PCBP3: variants seen among roughly 807,000 people sequenced by gnomAD.
PCBP3 encodes poly(rC) binding protein 3.
A neutral mutation model predicts 52.7 loss-of-function variants in PCBP3; 25 were observed. That is an observed-to-expected ratio of 0.47 (90% CI 0.35 to 0.66). PCBP3 has a LOEUF of 0.66. PCBP3 is among the 30% of genes least tolerant of loss of function. The probability of loss-of-function intolerance (pLI) is 0.01; values close to 1 mark genes in which losing one functional copy is unlikely to be tolerated. For synonymous variants in PCBP3, 162 were observed against 183.0 expected (o/e 0.89, Z 0.93); for missense variants, 391 against 490.3 (o/e 0.80, Z 1.91).
Position 45,704,180 on chromosome 21 carries a change from G to C in PCBP3, c.-199-31212G>C, listed in dbSNP as rs879868137. Among the ~76,000 whole-genome samples, 1 of 152,182 alleles carries C rather than the reference G, an allele frequency of 6.6e-6. No individual in the cohort carries two copies. Among genetic ancestry groups the C allele is most frequent in the Non-Finnish European group, 1.5e-5 (1 of 68,046 alleles). The stretch of plus-strand genomic sequence containing the variant: ...AGGGGCACTGCCCAGCCGCTGAGTG[G>C]GTGGTGGTGAAGGTCATATCAGATG... On this transcript the variant is annotated intron_variant, in intron 2 of 17. Transcript: ENST00000681687. This position sits in a 1 kb window ranked among gnomAD's most constrained non-coding sequence, Gnocchi z 4.1.
chr21:45,901,778 G>T (rs867610346), intron 9 of PCBP3, among the ~76,000 whole-genome samples: 1 of 146,734 alleles, frequency 6.8e-6, no homozygotes, highest in African/African-American at 2.6e-5. Flanking sequence ...GAGAGCGAGG[G>T]GGAGAGAGCA....
intron 5 of PCBP3, among the ~76,000 whole-genome samples, chr21:45,851,148 A>G (rs1181497825): frequency 2.0e-5 from 3 of 152,228 alleles, no homozygotes; most frequent in Non-Finnish European, 4.4e-5. Flanking sequence ...AATAGAGAGC[A>G]CAGAAAAACA....
chr21:45,799,510 G>C (rs927219168), intron 4 of PCBP3, among the ~76,000 whole-genome samples: 2 of 152,154 alleles, frequency 1.3e-5, no homozygotes, highest in African/African-American at 4.8e-5. Flanking sequence ...ACAGGGTTTG[G>C]TATAGTCCAT....
intron 5 of PCBP3, among the ~76,000 whole-genome samples, chr21:45,854,238 T>G (rs531896920): frequency 1.1e-4 from 16 of 152,308 alleles, no homozygotes; most frequent in African/African-American, 3.6e-4. Context: ...CTACCACACA[T>G]GCTTTTTTAA....
chr21:45,672,899 C>T (rs1396408610), intron 2 of PCBP3, among the ~76,000 whole-genome samples: 2 of 152,158 alleles, frequency 1.3e-5, no homozygotes, highest in East Asian at 3.9e-4. Flanking sequence ...TTTGCCTAAG[C>T]CCGTGTCTTT....
intron 1 of PCBP3, among the ~76,000 whole-genome samples, chr21:45,663,270 C>T (rs1465990364): frequency 2.0e-5 from 3 of 152,156 alleles, no homozygotes; most frequent in African/African-American, 4.8e-5. Flanking sequence ...ATGGCTCACA[C>T]TCCTTACCCT....
intron 4 of PCBP3, among the ~76,000 whole-genome samples, chr21:45,845,579 C>T (rs1383272424): frequency 1.1e-4 from 14 of 131,980 alleles, no homozygotes; most frequent in African/African-American, 5.9e-5. Flanking sequence ...CGTGTGCACA[C>T]GTGTGAGTGT....
intron 9 of PCBP3, among the ~76,000 whole-genome samples, chr21:45,905,643 C>G (rs1186565861): frequency 6.6e-6 from 1 of 152,242 alleles, no homozygotes; most frequent in Non-Finnish European, 1.5e-5. Context: ...TCTGAGGCCT[C>G]TCTCTTTGGC....
intron 4 of PCBP3, among the ~76,000 whole-genome samples, chr21:45,767,622 G>A (rs1287639016): frequency 2.0e-5 from 3 of 152,218 alleles, no homozygotes; most frequent in African/African-American, 7.2e-5. Flanking sequence ...CAGCCGCACT[G>A]CACTGTTTTG....
chr21:45,801,572 C>T (rs1442949312), intron 4 of PCBP3, among the ~76,000 whole-genome samples: 3 of 152,212 alleles, frequency 2.0e-5, no homozygotes, highest in Admixed American at 1.3e-4. Context: ...GTCACTGACC[C>T]ATCTTCACAG....
At chr21:45,676,441 T>C (rs1204996099) in intron 2 of PCBP3, among the ~76,000 whole-genome samples, 1 of 152,192 alleles carries the variant, frequency 6.6e-6, no homozygotes, top group African/African-American at 2.4e-5. Flanking sequence ...ATTTTTCCAA[T>C]AGCATTGCTT....
rs867637642 is a variant in PCBP3 at position 45,917,417 on chromosome 21, C to A, written c.676-171C>A. ...GGAAGTGGGTGCGGCTCCCCTGGGG[C>A]TCCTGGTGCCCTGGGAGGGTTGGCC... On this transcript the variant is annotated intron_variant, in intron 12 of 17. Coordinates refer to ENST00000681687, the MANE Select transcript of PCBP3 (RefSeq NM_001384156.1). This position sits in a 1 kb window ranked among gnomAD's most constrained non-coding sequence, Gnocchi z 5.3. The A allele has an allele frequency of 5.9e-6, 3 of 506,396 alleles. No homozygotes were observed. The East Asian group carries it at 1.0e-4, about 18-fold the overall frequency. The allele number at this position is 506,396 out of a possible 1,614,324, so 31.4% of individuals were successfully genotyped here.
At position 45,754,235 on chromosome 21, in the gene PCBP3, A is replaced by G. The variant is rs117608517; in HGVS notation, c.-161-1182A>G. 3.3e-3 allele frequency among the ~76,000 whole-genome samples: 509 copies of G among 152,296 alleles called. 1 individual carries two copies. The highest frequency in any genetic ancestry group is 5.5e-3 in the Non-Finnish European group (375 of 68,010). On this transcript the variant is annotated intron_variant, in intron 3 of 17. Coordinates refer to ENST00000681687, the MANE Select transcript of PCBP3 (RefSeq NM_001384156.1). ...TGATGAGTCTTTGTTCAACCTGTAT[A>G]TAATATTATAATGAAAATAGTTATG...
intron 5 of PCBP3, among the ~76,000 whole-genome samples, chr21:45,892,460 TGACGGGG>T (rs2095692728): frequency 6.1e-5 from 5 of 82,324 alleles, no homozygotes; most frequent in African/African-American, 1.1e-4. Flanking sequence ...GTCCCGTCTC[TGACGGGG>T]CGTGGGGGGG....
At chr21:45,795,348 T>C (rs1178423371) in intron 4 of PCBP3, among the ~76,000 whole-genome samples, 1 of 151,912 alleles carries the variant, frequency 6.6e-6, no homozygotes, top group Non-Finnish European at 1.5e-5. Context: ...TTTCTTTTCT[T>C]TACCTTCTCT....
chr21:45,901,756 C>CAGAAAGAGAGAG lies in PCBP3; in HGVS notation c.339+646_339+647insAAGAGAGAGAGA, dbSNP rs71318014. ...AGAGAGAGACAGAAAGAGAGAGAGA[C>CAGAAAGAGAGAG]AGAGACAGAGAGAGAGCGAGGGGGA... On this transcript the variant is annotated intron_variant, in intron 9 of 17. Transcript: ENST00000681687. Among the ~76,000 whole-genome samples, 203 of 107,250 alleles carry CAGAAAGAGAGAG rather than the reference C, an allele frequency of 1.9e-3. 2 individuals are homozygous for CAGAAAGAGAGAG. The highest frequency in any genetic ancestry group is 8.1e-3 in the African/African-American group (186 of 23,028). 70.4% of individuals were successfully genotyped at this position (107,250 alleles called of 152,430 possible). A position where few individuals can be genotyped will look rare whatever the true frequency, so the allele number is the denominator to read the frequency against.
chr21:45,785,110 G>A (rs1413748119), intron 4 of PCBP3, among the ~76,000 whole-genome samples: 4 of 150,254 alleles, frequency 2.7e-5, no homozygotes, highest in Admixed American at 6.6e-5. Context: ...CTGCCCGGCC[G>A]CCCCGTCTGA....
intron 2 of PCBP3, among the ~76,000 whole-genome samples, chr21:45,685,205 C>G (rs1316113583): frequency 1.3e-5 from 2 of 151,968 alleles, no homozygotes. Context: ...AATTCAGAGA[C>G]AGAAAATAAC....
At chr21:45,696,124 GAAGTA>G (rs1489849286) in intron 2 of PCBP3, among the ~76,000 whole-genome samples, 1 of 145,608 alleles carries the variant, frequency 6.9e-6, no homozygotes, top group Non-Finnish European at 1.5e-5. Context: ...TCAATAAATG[GAAGTA>G]GAGTAACTGG....
Sources: allele counts gnomAD v4.1 joint callset (sites outside exome capture counted in the v4.1 genomes callset), GRCh38; gene constraint gnomAD v4.1.1; non-coding constraint Gnocchi (gnomAD v3.1); transcripts MANE v1.5; gene names NCBI Gene and HGNC (gene_info 2026-07-23, HGNC 2026-07-21).